NHSL1: variants seen among roughly 807,000 people sequenced by gnomAD.
NHSL1 encodes the protein NHS-like protein 1.
In NHSL1, 48 loss-of-function variants were observed where a neutral mutation model predicts 95.0. That is an observed-to-expected ratio of 0.51 (90% CI 0.40 to 0.64). NHSL1 has a LOEUF of 0.64. NHSL1 is among the 30% of genes least tolerant of loss of function. The pLI is 0.00. For missense variants in NHSL1, 1,971 were observed against 2,077.7 expected, an observed-to-expected ratio of 0.95 and a Z score of 1.00; for synonymous variants, 783 against 833.9, an observed-to-expected ratio of 0.94 and a Z score of 1.05.
Position 138,622,394 on chromosome 6 carries a change from C to T in NHSL1, c.96+70082G>A, listed in dbSNP as rs150717881. Among the ~76,000 whole-genome samples the T allele has an allele frequency of 5.9e-3, 902 of 152,130 alleles. 27 individuals are homozygous for T. Among genetic ancestry groups the T allele is most frequent in the Admixed American group, 0.046 (697 of 15,282 alleles). ...CCGCATGCGCCTGTAGTCCCAGCTG[C>T]TGGGGAGGCTGAGGAAGGAGAATGG... is the stretch of plus-strand genomic sequence containing the variant. On this transcript the variant is annotated intron_variant, in intron 1 of 3. Transcript: ENST00000491526.
rs147247281 is a variant in NHSL1, at chr6:138,611,971, G to A, written c.96+80505C>T. Reference sequence around the variant, plus strand: ...CTAAAAATACAAAAATTAGCCAGGCGTGGTGATGGCCACCTGTAATCCCAG... The same window carrying A: ...CTAAAAATACAAAAATTAGCCAGGCATGGTGATGGCCACCTGTAATCCCAG... On this transcript the variant is annotated intron_variant, in intron 1 of 3. Coordinates refer to the NHSL1 transcript ENST00000491526. Among the ~76,000 whole-genome samples, 733 of 151,362 alleles carry A rather than the reference G, an allele frequency of 4.8e-3. 4 individuals carry two copies. The highest frequency in any genetic ancestry group is 7.1e-3 in the Non-Finnish European group (482 of 67,862).
chr6:138,502,509 G>A (rs897405605), upstream of NHSL1, among the ~76,000 whole-genome samples: 5 of 151,968 alleles, frequency 3.3e-5, no homozygotes, highest in Admixed American at 1.3e-4. Flanking sequence ...TAAAGATAGG[G>A]TACTATGTTG....
chr6:138,637,735 T>C (rs1784905835), intron 1 of NHSL1, among the ~76,000 whole-genome samples: 1 of 152,158 alleles, frequency 6.6e-6, no homozygotes, highest in East Asian at 1.9e-4. Flanking sequence ...TAACAAATGC[T>C]GCAGAGGATG....
intron 1 of NHSL1, among the ~76,000 whole-genome samples, chr6:138,597,405 T>C (rs1393261703): frequency 6.6e-6 from 1 of 152,238 alleles, no homozygotes; most frequent in East Asian, 1.9e-4. Flanking sequence ...ACTATTGATT[T>C]GACAAGTTTT....
At chr6:138,540,331 TAA>T (rs910417895) in intron 1 of NHSL1, among the ~76,000 whole-genome samples, 7 of 152,336 alleles carry the variant, frequency 4.6e-5, no homozygotes, top group Admixed American at 1.3e-4. Flanking sequence ...TTTTGATTTT[TAA>T]AAGTCTTTCA....
At chr6:138,688,795 A>T (rs1378296236) in intron 1 of NHSL1, among the ~76,000 whole-genome samples, 3 of 152,236 alleles carry the variant, frequency 2.0e-5, no homozygotes, top group Admixed American at 6.5e-5. Context: ...ATGAGAACTT[A>T]CTGTGTCAGC....
intron 1 of NHSL1, among the ~76,000 whole-genome samples, chr6:138,690,936 C>A (rs1785658228): frequency 6.6e-6 from 1 of 152,178 alleles, no homozygotes; most frequent in South Asian, 2.1e-4. Flanking sequence ...GGAAGGAGTT[C>A]TTGACCTTCA....
At chr6:138,484,248 G>C (rs1178424645) in intron 2 of NHSL1, among the ~76,000 whole-genome samples, 7 of 152,152 alleles carry the variant, frequency 4.6e-5, no homozygotes. Context: ...TGCATTTTCA[G>C]AAAAAGCTTG....
intron 1 of NHSL1, among the ~76,000 whole-genome samples, chr6:138,564,420 C>A (rs1344509854): frequency 6.6e-6 from 1 of 152,148 alleles, no homozygotes; most frequent in Non-Finnish European, 1.5e-5. Context: ...AATCCGAGCA[C>A]TTTGGGAAGC....
At chr6:138,549,023 G>A (rs1003486569), upstream of NHSL1, among the ~76,000 whole-genome samples, 6 of 151,438 alleles carry the variant, frequency 4.0e-5, no homozygotes, top group Non-Finnish European at 8.9e-5. Context: ...GTTAAGGAAG[G>A]TAAGAATCAA....
chr6:138,468,559 G>T (rs1778540063), intron 3 of NHSL1, among the ~76,000 whole-genome samples: 1 of 152,174 alleles, frequency 6.6e-6, no homozygotes, highest in African/African-American at 2.4e-5. Flanking sequence ...GATCTAGGTT[G>T]TGCGCTCCTT....
At chr6:138,630,793 G>C (rs903507822) in intron 1 of NHSL1, among the ~76,000 whole-genome samples, 13 of 152,252 alleles carry the variant, frequency 8.5e-5, no homozygotes, top group Admixed American at 7.8e-4. Context: ...TAAGAAATTT[G>C]CAATGGGAAG....
At chr6:138,566,796 G>A (rs779170548) in intron 1 of NHSL1, among the ~76,000 whole-genome samples, 17 of 152,050 alleles carry the variant, frequency 1.1e-4, no homozygotes, top group Non-Finnish European at 2.5e-4. Flanking sequence ...ATAATCAAAG[G>A]TCAATAAAGG....
intron 1 of NHSL1, among the ~76,000 whole-genome samples, chr6:138,680,188 C>T (rs1360899479): frequency 1.3e-5 from 2 of 152,106 alleles, no homozygotes; most frequent in Non-Finnish European, 2.9e-5. Context: ...ATGAATAATG[C>T]TCTTTTTAGT....
intron 1 of NHSL1, among the ~76,000 whole-genome samples, chr6:138,527,737 CAT>C (rs766192621): frequency 6.6e-6 from 1 of 152,176 alleles, no homozygotes; most frequent in Non-Finnish European, 1.5e-5. Flanking sequence ...AACACACACA[CAT>C]GACAGAAAGA....
intron 1 of NHSL1, among the ~76,000 whole-genome samples, chr6:138,663,802 C>T (rs1190497520): frequency 6.6e-6 from 1 of 151,880 alleles, no homozygotes; most frequent in Non-Finnish European, 1.5e-5. Flanking sequence ...ATCTGGGAGG[C>T]GGAGGTTGCA....
Position 138,626,643 on chromosome 6 carries a change from C to T in NHSL1, c.96+65833G>A, listed in dbSNP as rs1784741458. On this transcript the variant is annotated intron_variant, in intron 1 of 3. Coordinates refer to the NHSL1 transcript ENST00000491526. ...GCGCGGTGGCTCACGCCTGTAATCC[C>T]AGCACTTTGGGAGGCCGAGGCGGGC... 2.8e-5 allele frequency among the ~76,000 whole-genome samples: 2 copies of T among 71,302 alleles called. 1 individual carries two copies. 46.8% of individuals were successfully genotyped at this position (71,302 alleles called of 152,430 possible).
In NHSL1 at chr6:138,430,902, C is replaced by T. The variant is rs1335008537; in HGVS notation, c.3443G>A (p.Gly1148Asp). ...ACGCTCAGCCGCACTGCCATGGTCA[C>T]CCTGACTCGAGCTCTTGGCAGGCGT... ...LPTPAKSSSQGDHGSAAERGG... is the reference protein window; with the variant it reads ...LPTPAKSSSQDDHGSAAERGG... The change falls in exon 6 of 8, where the codon GGT becomes GAT. Residue 1148 changes from glycine (G) to aspartate (D), a missense_variant. Gly to Asp is a moderately conservative substitution (Grantham distance 94). This residue lies in a region of NHSL1 where 1,602 missense variants were observed against 1,654.5 expected (regional missense o/e 0.97). Coordinates refer to ENST00000343505, the MANE Select transcript of NHSL1 (RefSeq NM_001144060.2). This position sits in a 1 kb window ranked among gnomAD's most constrained non-coding sequence, Gnocchi z 4.7. The T allele has an allele frequency of 6.4e-7, 1 of 1,551,426 alleles. No individual in the cohort carries two copies. The highest frequency in any genetic ancestry group is 8.7e-7 in the Non-Finnish European group (1 of 1,146,894).
upstream of NHSL1, among the ~76,000 whole-genome samples, chr6:138,501,134 G>A (rs1780652283): frequency 6.6e-6 from 1 of 152,218 alleles, no homozygotes; most frequent in East Asian, 1.9e-4. Flanking sequence ...CAAATGTCCA[G>A]TGAAAACAGA....
Sources: allele counts gnomAD v4.1 joint callset (sites outside exome capture counted in the v4.1 genomes callset), GRCh38; gene constraint gnomAD v4.1.1; regional missense constraint gnomAD v4.1.1; non-coding constraint Gnocchi (gnomAD v3.1); transcripts MANE v1.5; gene names NCBI Gene and HGNC (gene_info 2026-07-23, HGNC 2026-07-21).